Variants in ESR1 observed in about 807,000 individuals in gnomAD.
The protein encoded by ESR1 is estrogen receptor 1.
Under a neutral mutation model 52.7 loss-of-function variants are expected in ESR1, and 12 were observed. The observed-to-expected ratio is 0.23, with a 90% CI of 0.15 to 0.37. The LOEUF (loss-of-function observed/expected upper bound fraction) is 0.37, where lower values mean the gene tolerates loss of function less well. ESR1 is among the 10% of genes least tolerant of loss of function. The pLI is 1.00. For missense variants in ESR1, 584 were observed against 779.7 expected, an observed-to-expected ratio of 0.75 and a Z score of 2.99; for synonymous variants, 305 against 316.8, an observed-to-expected ratio of 0.96 and a Z score of 0.39.
At chr6:151,988,736 T>TA (rs2128705855) in intron 4 of ESR1, among the ~76,000 whole-genome samples, 2 of 152,200 alleles carry the variant, frequency 1.3e-5, no homozygotes, top group African/African-American at 4.8e-5. Flanking sequence ...AAATAAATGT[T>TA]AAAAAATTCC....
intron 6 of ESR1, among the ~76,000 whole-genome samples, chr6:152,111,376 C>T (rs2051134303): frequency 6.6e-6 from 1 of 152,192 alleles, no homozygotes; most frequent in Non-Finnish European, 1.5e-5. Context: ...AGACGCTAGG[C>T]CGTTTGCCAA....
At chr6:151,994,806 G>A (rs534472098) in intron 4 of ESR1, among the ~76,000 whole-genome samples, 1 of 152,258 alleles carries the variant, frequency 6.6e-6, no homozygotes, top group South Asian at 2.1e-4. Flanking sequence ...GATAAAGAGG[G>A]TAAGAATGAG....
intron 2 of ESR1, among the ~76,000 whole-genome samples, chr6:151,750,931 A>C (rs1458080722): frequency 3.3e-5 from 5 of 152,220 alleles, no homozygotes; most frequent in African/African-American, 4.8e-5. Context: ...ATTAACTCAA[A>C]TGGAGGAAAA....
chr6:151,934,372 G>C (rs951363128), intron 3 of ESR1, among the ~76,000 whole-genome samples: 2 of 152,182 alleles, frequency 1.3e-5, no homozygotes, highest in Non-Finnish European at 2.9e-5. Context: ...ATGACGTTGT[G>C]AGGATAGGGA....
chr6:151,825,845 A>G (rs1262755052), intron 1 of ESR1, among the ~76,000 whole-genome samples: 1 of 131,998 alleles, frequency 7.6e-6, no homozygotes, highest in Non-Finnish European at 1.5e-5. Context: ...CAGGAGGTGG[A>G]GGTTGCAGTG....
intron 6 of ESR1, among the ~76,000 whole-genome samples, chr6:152,063,433 A>G (rs1225023556): frequency 3.9e-5 from 6 of 152,186 alleles, no homozygotes. Flanking sequence ...TCTTTTCCCT[A>G]CAAAAGTGAG....
At chr6:151,842,232 C>T (rs1418661823) in intron 1 of ESR1, among the ~76,000 whole-genome samples, 1 of 152,092 alleles carries the variant, frequency 6.6e-6, no homozygotes, top group Non-Finnish European at 1.5e-5. Context: ...TCCCAGAGAC[C>T]CTGAGTGTGG....
At chr6:152,037,536 C>A (rs2045414860) in intron 5 of ESR1, among the ~76,000 whole-genome samples, 1 of 152,130 alleles carries the variant, frequency 6.6e-6, no homozygotes, top group African/African-American at 2.4e-5. Flanking sequence ...GAGCTATTAC[C>A]CTTCCCTTCC....
chr6:151,876,664 G>A (rs1037389016), intron 2 of ESR1, among the ~76,000 whole-genome samples: 66 of 152,110 alleles, frequency 4.3e-4, no homozygotes, highest in African/African-American at 1.5e-3. Context: ...GTTGCTGCAG[G>A]GGCTGGGGTG....
chr6:151,951,160 C>T (rs566507470), intron 4 of ESR1, among the ~76,000 whole-genome samples: 35 of 152,250 alleles, frequency 2.3e-4, no homozygotes, highest in Admixed American at 3.9e-4. Flanking sequence ...ATGTTTTCCT[C>T]TGGTACTTTA....
rs977374066 is a variant in ESR1 at position 151,858,889 on chromosome 6, C to T, written c.643+16102C>T. ...AATAACAGAGGAGACCAATTTACTT[C>T]TGTAAGATTTAGTAGAGGCTGTTCC... On this transcript the variant is annotated intron_variant, in intron 2 of 7. Coordinates refer to ENST00000206249, the MANE Select transcript of ESR1 (RefSeq NM_000125.4). Among the ~76,000 whole-genome samples the T allele has an allele frequency of 2.0e-5, 3 of 152,294 alleles. No homozygotes were observed. In the East Asian group the frequency reaches 5.8e-4, roughly 29 times the overall value.
rs190066198 is a variant in ESR1, at chr6:151,707,665, A to T, written c.-71+5660A>T. Among the ~76,000 whole-genome samples the T allele has an allele frequency of 3.3e-4, 50 of 152,262 alleles. 1 individual carries two copies. Among genetic ancestry groups the T allele is most frequent in the African/African-American group, 1.2e-3 (50 of 41,582 alleles). Reference sequence around the variant, plus strand: ...GAGTAATTCCAAAAAGTGGAAATAGAATGTCAAGGGGCAAAGTTCTTTATA... The same window carrying T: ...GAGTAATTCCAAAAAGTGGAAATAGTATGTCAAGGGGCAAAGTTCTTTATA... On this transcript the variant is annotated intron_variant, in intron 2 of 2. Transcript: ENST00000404742.
chr6:151,789,976 G>A (rs1787372572), intron 2 of ESR1, among the ~76,000 whole-genome samples: 1 of 152,162 alleles, frequency 6.6e-6, no homozygotes, highest in South Asian at 2.1e-4. Context: ...GAGTCTGGAA[G>A]GTGTTGGGAG....
downstream of ESR1, among the ~76,000 whole-genome samples, chr6:152,106,376 G>C (rs1446079259): frequency 6.6e-6 from 1 of 152,156 alleles, no homozygotes; most frequent in Non-Finnish European, 1.5e-5. Context: ...CTGTGGATTT[G>C]AGTTACTGTC....
intron 1 of ESR1, among the ~76,000 whole-genome samples, chr6:151,666,485 G>GC (rs1562317951): frequency 6.6e-6 from 1 of 152,164 alleles, no homozygotes; most frequent in African/African-American, 2.4e-5. Flanking sequence ...CAGCTCCTGG[G>GC]CCATTGGTCT....
intron 2 of ESR1, among the ~76,000 whole-genome samples, chr6:151,879,847 C>A (rs889725230): frequency 6.6e-6 from 1 of 152,114 alleles, no homozygotes; most frequent in Non-Finnish European, 1.5e-5. Context: ...AACTTCGTCA[C>A]CACCCAGCCC....
chr6:151,790,556 G>C (rs982383559), intron 2 of ESR1, among the ~76,000 whole-genome samples: 8 of 151,514 alleles, frequency 5.3e-5, no homozygotes, highest in African/African-American at 1.9e-4. Context: ...TGAGAGAGAA[G>C]AGAGAAGAGA....
rs1222433331 is a variant in ESR1, at chr6:152,098,347, T to C, written c.1554-385T>C. Among the ~76,000 whole-genome samples the C allele has an allele frequency of 6.6e-6, 1 of 152,058 alleles. No individual in the cohort carries two copies. Among genetic ancestry groups the C allele is most frequent in the Non-Finnish European group, 1.5e-5 (1 of 68,024 alleles). ...CTCCTGCTTGGCTGAATATCTCATGTTGTCTTTTTAGAAGCTTTGGCGATC... is the reference window on the plus strand; with the variant it reads ...CTCCTGCTTGGCTGAATATCTCATGCTGTCTTTTTAGAAGCTTTGGCGATC... On this transcript the variant is annotated intron_variant, in intron 7 of 7. Coordinates refer to ENST00000206249, the MANE Select transcript of ESR1 (RefSeq NM_000125.4). This position sits in a 1 kb window ranked among gnomAD's most constrained non-coding sequence, Gnocchi z 5.1.
chr6:152,049,278 G>C (rs1455940603), intron 5 of ESR1, among the ~76,000 whole-genome samples: 1 of 152,140 alleles, frequency 6.6e-6, no homozygotes, highest in Non-Finnish European at 1.5e-5. Context: ...TACCACTTTA[G>C]CACCCAAAAG....
Sources: gnomAD v4.1 joint callset for allele counts (sites outside exome capture counted in the v4.1 genomes callset) on GRCh38, gnomAD v4.1.1 for gene constraint, Gnocchi (gnomAD v3.1) non-coding constraint, MANE v1.5 for transcripts, NCBI Gene and HGNC (gene_info 2026-07-23, HGNC 2026-07-21) for gene names.